KCNIP4: variants seen among roughly 807,000 people sequenced by gnomAD.
KCNIP4 encodes potassium voltage-gated channel interacting protein 4.
A neutral mutation model predicts 34.0 loss-of-function variants in KCNIP4; 12 were observed. That is an observed-to-expected ratio of 0.35 (90% confidence interval 0.23 to 0.57). The LOEUF (loss-of-function observed/expected upper bound fraction) is 0.57. Ranked by LOEUF, KCNIP4 falls within the 20% of genes least tolerant of loss-of-function variation. The probability of loss-of-function intolerance (pLI) is 0.83; values close to 1 mark genes in which losing one functional copy is unlikely to be tolerated. For missense variants in KCNIP4, 238 were observed against 311.7 expected, an observed-to-expected ratio of 0.76 and a Z score of 1.78; for synonymous variants, 124 against 102.2, an observed-to-expected ratio of 1.21 and a Z score of -1.29.
At chr4:21,584,393 AT>A (rs1432439034) in intron 1 of KCNIP4, among the ~76,000 whole-genome samples, 1 of 152,122 alleles carries the variant, frequency 6.6e-6, no homozygotes, top group Non-Finnish European at 1.5e-5. Flanking sequence ...TACCAAAATT[AT>A]TTTAGTCATA....
At chr4:20,953,702 C>G in intron 1 of KCNIP4, among the ~76,000 whole-genome samples, 1 of 152,132 alleles carries the variant, frequency 6.6e-6, no homozygotes, top group East Asian at 1.9e-4. Context: ...AATAAATACA[C>G]TGTAATTTAC....
At chr4:21,085,198 C>T (rs1179613688) in intron 1 of KCNIP4, among the ~76,000 whole-genome samples, 2 of 151,990 alleles carry the variant, frequency 1.3e-5, no homozygotes, top group African/African-American at 4.8e-5. Context: ...AATTAAAGCT[C>T]TTATAAAAAG....
intron 1 of KCNIP4, among the ~76,000 whole-genome samples, chr4:21,059,039 T>C (rs1743675486): frequency 6.6e-6 from 1 of 152,154 alleles, no homozygotes; most frequent in Non-Finnish European, 1.5e-5. Context: ...TCTTGCCTGC[T>C]GCCATGTAAG....
At chr4:21,630,257 G>C (rs1186071611) in intron 1 of KCNIP4, among the ~76,000 whole-genome samples, 1 of 151,822 alleles carries the variant, frequency 6.6e-6, no homozygotes, top group Non-Finnish European at 1.5e-5. Flanking sequence ...ACGAGGTCAA[G>C]AGATTGAGAC....
intron 1 of KCNIP4, among the ~76,000 whole-genome samples, chr4:21,840,211 C>T (rs1459077074): frequency 1.3e-5 from 2 of 151,548 alleles, no homozygotes; most frequent in East Asian, 1.9e-4. Context: ...CTAGATACAA[C>T]TGTGCTGAAA....
At chr4:20,978,847 T>G (rs1735741797) in intron 1 of KCNIP4, among the ~76,000 whole-genome samples, 1 of 152,198 alleles carries the variant, frequency 6.6e-6, no homozygotes, top group African/African-American at 2.4e-5. Flanking sequence ...CAACTATCTT[T>G]AATTGATCTC....
At chr4:21,788,857 G>A (rs1026368539) in intron 1 of KCNIP4, among the ~76,000 whole-genome samples, 25 of 151,950 alleles carry the variant, frequency 1.6e-4, no homozygotes, top group African/African-American at 4.8e-4. Context: ...GGCGGATCAC[G>A]AGGTCAGGAG....
rs192078846 is a variant in KCNIP4, at chr4:20,756,201, A to G, written c.358+2620T>C. Among the ~76,000 whole-genome samples the G allele has an allele frequency of 3.7e-3, 557 of 152,034 alleles. 3 individuals carry two copies. The highest frequency in any genetic ancestry group is 0.012 in the Admixed American group (178 of 15,268). Reference sequence around the variant, plus strand: ...AAAAAAAAAAGTGTTGGCAAGGTCAATGGCAAAGTCAACTCTGGCCATAAT... The same window carrying G: ...AAAAAAAAAAGTGTTGGCAAGGTCAGTGGCAAAGTCAACTCTGGCCATAAT... On this transcript the variant is annotated intron_variant, in intron 4 of 8. Transcript: ENST00000382152.
intron 3 of KCNIP4, among the ~76,000 whole-genome samples, chr4:20,845,459 T>G (rs1248383677): frequency 6.6e-6 from 1 of 152,150 alleles, no homozygotes; most frequent in Non-Finnish European, 1.5e-5. Context: ...AACTTTCCAC[T>G]GCTTACCCTA....
Position 20,730,060 on chromosome 4 carries a change from G to T in KCNIP4, c.*22C>A, listed in dbSNP as rs762698250. 2 of 1,602,340 alleles carry T rather than the reference G, an allele frequency of 1.2e-6. No homozygotes were observed. Among genetic ancestry groups the T allele is most frequent in the Non-Finnish European group, 1.7e-6 (2 of 1,175,896 alleles). Reference sequence around the variant, plus strand: ...TAGAATAGTTCACATTTGTCTGTTGGATTCAGGATCTATTTGACAAGTTAA... The same window carrying T: ...TAGAATAGTTCACATTTGTCTGTTGTATTCAGGATCTATTTGACAAGTTAA... On this transcript the variant is annotated 3_prime_UTR_variant, in exon 9 of 9. Coordinates refer to ENST00000382152, the MANE Select transcript of KCNIP4 (RefSeq NM_025221.6).
intron 1 of KCNIP4, among the ~76,000 whole-genome samples, chr4:21,526,226 G>A (rs918506483): frequency 3.9e-5 from 6 of 152,144 alleles, no homozygotes; most frequent in African/African-American, 9.7e-5. Context: ...ATGCAGGTAG[G>A]TTTTTCCAGG....
chr4:20,990,564 C>T (rs1043410181), intron 1 of KCNIP4, among the ~76,000 whole-genome samples: 15 of 152,332 alleles, frequency 9.8e-5, no homozygotes, highest in African/African-American at 3.4e-4. Flanking sequence ...AAATAGTCCT[C>T]ATGAATCTTA....
intron 1 of KCNIP4, among the ~76,000 whole-genome samples, chr4:20,980,625 C>T (rs1388898131): frequency 6.6e-6 from 1 of 152,062 alleles, no homozygotes; most frequent in African/African-American, 2.4e-5. Flanking sequence ...AATATGGGCC[C>T]TCTCATTCAA....
chr4:21,850,004 A>G (rs1724274398), intron 1 of KCNIP4: 1 of 152,152 alleles, frequency 6.6e-6, no homozygotes, highest in African/African-American at 2.4e-5. Context: ...TCCATCCAGT[A>G]TTCCTACAAC....
At chr4:21,838,042 T>C (rs575893300) in intron 1 of KCNIP4, among the ~76,000 whole-genome samples, 1 of 152,158 alleles carries the variant, frequency 6.6e-6, no homozygotes, top group Non-Finnish European at 1.5e-5. Context: ...TTAAAAGCTA[T>C]AAAATATTAA....
chr4:21,269,683 C>A (rs1252793673), intron 1 of KCNIP4, among the ~76,000 whole-genome samples: 1 of 152,180 alleles, frequency 6.6e-6, no homozygotes, highest in African/African-American at 2.4e-5. Flanking sequence ...GCATGAGCCA[C>A]TGCGCCCGCC....
chr4:21,071,037 A>G (rs1744867215), intron 1 of KCNIP4, among the ~76,000 whole-genome samples: 1 of 152,002 alleles, frequency 6.6e-6, no homozygotes, highest in Non-Finnish European at 1.5e-5. Flanking sequence ...TAGTTTATCA[A>G]TATCTTCTCC....
intron 1 of KCNIP4, among the ~76,000 whole-genome samples, chr4:21,084,874 T>A (rs372553531): frequency 6.6e-6 from 1 of 151,638 alleles, no homozygotes; most frequent in African/African-American, 2.4e-5. Flanking sequence ...AATGCATGAA[T>A]ACATAAAGAA....
intron 1 of KCNIP4, among the ~76,000 whole-genome samples, chr4:21,196,748 T>A (rs773472500): frequency 6.6e-5 from 10 of 152,240 alleles, no homozygotes; most frequent in Non-Finnish European, 1.2e-4. Context: ...AAATTTCATA[T>A]AATGCTCATT....
Sources: allele counts gnomAD v4.1 joint callset (sites outside exome capture counted in the v4.1 genomes callset), GRCh38; gene constraint gnomAD v4.1.1; transcripts MANE v1.5; gene names NCBI Gene and HGNC (gene_info 2026-07-23, HGNC 2026-07-21).